Variants in GALK2 observed in about 807,000 individuals in gnomAD.
GALK2 encodes N-acetylgalactosamine kinase.
A neutral mutation model predicts 52.4 loss-of-function variants in GALK2; 36 were observed. That is an observed-to-expected ratio of 0.69 (90% CI 0.53 to 0.91). GALK2 has a LOEUF of 0.91. Among genes scored for constraint, GALK2 ranks in the 40% least tolerant of loss-of-function variants. The pLI is 0.00. For synonymous variants in GALK2, 176 were observed against 199.1 expected (o/e 0.88, Z 0.98); for missense variants, 579 against 559.1 (o/e 1.04, Z -0.36).
intron 2 of GALK2, among the ~76,000 whole-genome samples, chr15:49,214,432 G>A (rs1487940906): frequency 6.8e-6 from 1 of 147,628 alleles, no homozygotes; most frequent in Non-Finnish European, 1.5e-5. Flanking sequence ...CCGGGTTCAA[G>A]CGATTCTCCT....
chr15:49,186,339 A>G (rs553737059), intron 1 of GALK2, among the ~76,000 whole-genome samples: 2 of 151,874 alleles, frequency 1.3e-5, no homozygotes, highest in Admixed American at 6.5e-5. Flanking sequence ...GTGTATTTTC[A>G]AATACCCTGT....
intron 5 of GALK2, among the ~76,000 whole-genome samples, chr15:49,250,851 A>G (rs540811565): frequency 6.6e-6 from 1 of 151,772 alleles, no homozygotes; most frequent in Non-Finnish European, 1.5e-5. Flanking sequence ...AGTTATAATG[A>G]TATTTTTTTG....
intron 8 of GALK2, among the ~76,000 whole-genome samples, chr15:49,303,679 C>T (rs572466932): frequency 6.6e-6 from 1 of 152,304 alleles, no homozygotes. Flanking sequence ...TTGGCCTTGG[C>T]ATCACTGGCC....
At chr15:49,226,897 C>A (rs1379677887) in intron 3 of GALK2, among the ~76,000 whole-genome samples, 1 of 152,100 alleles carries the variant, frequency 6.6e-6, no homozygotes, top group African/African-American at 2.4e-5. Flanking sequence ...ATCACAAGTT[C>A]CTCTTTTTAT....
chr15:49,343,267 G>A (rs1264779828), intron 3 of GALK2, among the ~76,000 whole-genome samples: 2 of 151,960 alleles, frequency 1.3e-5, no homozygotes, highest in Non-Finnish European at 1.5e-5. Context: ...TATTTTGAAA[G>A]ACTGGTCTTC....
intron 8 of GALK2, among the ~76,000 whole-genome samples, chr15:49,310,165 A>C (rs2035875326): frequency 6.6e-6 from 1 of 152,156 alleles, no homozygotes; most frequent in Admixed American, 6.5e-5. Flanking sequence ...GATTTATCTC[A>C]CATAACATAA....
chr15:49,210,739 T>C (rs889130461), intron 2 of GALK2, among the ~76,000 whole-genome samples: 2 of 151,664 alleles, frequency 1.3e-5, no homozygotes, highest in Non-Finnish European at 2.9e-5. Context: ...CCGTGCCTGG[T>C]CTATTTTATT....
intron 8 of GALK2, among the ~76,000 whole-genome samples, chr15:49,298,384 A>G (rs1474255398): frequency 2.6e-5 from 4 of 151,886 alleles, no homozygotes; most frequent in African/African-American, 9.7e-5. Flanking sequence ...TTGACTTCCT[A>G]TTTTCCTACT....
chr15:49,170,058 C>T (rs572331304), upstream of GALK2: 921 of 606,650 alleles, frequency 1.5e-3, 16 homozygotes, highest in South Asian at 0.021. Context: ...TCCTGCGAGG[C>T]CCTAGTCCCT....
chr15:49,352,842 C>T (rs2042447550), intron 3 of GALK2, among the ~76,000 whole-genome samples: 1 of 152,164 alleles, frequency 6.6e-6, no homozygotes, highest in Admixed American at 6.5e-5. Context: ...AAATCACCTA[C>T]CTCAGTCCTT....
In GALK2 at chr15:49,361,807, T is replaced by C. The variant is rs184845065; in HGVS notation, c.427-5684T>C. ...GAATGGTAATTCTGCTTTCAGTTCT[T>C]TGAGAAATTGCCAAACTGCTTTCCA... On this transcript the variant is annotated intron_variant, in intron 3 of 3. Transcript: ENST00000558399. 3.2e-4 allele frequency among the ~76,000 whole-genome samples: 49 copies of C among 152,236 alleles called. No homozygotes were observed. In the East Asian group the frequency reaches 9.3e-3, roughly 29 times the overall value.
At position 49,350,924 on chromosome 15, in the gene GALK2, G is replaced by A. The variant is rs370573736; in HGVS notation, c.427-16567G>A. Among the ~76,000 whole-genome samples, 5 of 152,248 alleles carry A rather than the reference G, an allele frequency of 3.3e-5. No individual in the cohort carries two copies. The South Asian group carries it at 8.3e-4, about 25-fold the overall frequency. Reference sequence around the variant, plus strand: ...TCCACTGCATGGAACAGCTTTCCCCGTGTGCATCACATTCCCCCTTAAAAG... The same window carrying A: ...TCCACTGCATGGAACAGCTTTCCCCATGTGCATCACATTCCCCCTTAAAAG... On this transcript the variant is annotated intron_variant, in intron 3 of 3. Coordinates refer to the GALK2 transcript ENST00000558399.
At chr15:49,286,349 A>G (rs972983952) in intron 7 of GALK2, among the ~76,000 whole-genome samples, 12 of 152,138 alleles carry the variant, frequency 7.9e-5, no homozygotes, top group Non-Finnish European at 1.6e-4. Context: ...TTTATTTTGC[A>G]CAATTTCACA....
At chr15:49,230,345 T>C (rs910257527) in intron 3 of GALK2, among the ~76,000 whole-genome samples, 32 of 152,170 alleles carry the variant, frequency 2.1e-4, no homozygotes, top group African/African-American at 6.8e-4. Context: ...GAGTCCTTGA[T>C]AGTAATGTGG....
intron 1 of GALK2, among the ~76,000 whole-genome samples, chr15:49,182,948 T>C (rs2086082064): frequency 6.6e-6 from 1 of 152,174 alleles, no homozygotes; most frequent in South Asian, 2.1e-4. Context: ...CTTCACTGCA[T>C]TGATTTTTTT....
intron 5 of GALK2, among the ~76,000 whole-genome samples, chr15:49,265,950 C>A (rs1254914822): frequency 1.3e-5 from 2 of 152,140 alleles, no homozygotes; most frequent in Non-Finnish European, 2.9e-5. Flanking sequence ...TGTCAGTTAG[C>A]TTTTGCTGTG....
At chr15:49,355,133 A>G (rs2042918764) in intron 3 of GALK2, among the ~76,000 whole-genome samples, 1 of 151,544 alleles carries the variant, frequency 6.6e-6, no homozygotes, top group Non-Finnish European at 1.5e-5. Flanking sequence ...AACCACAAAG[A>G]TGGGGAAAAA....
intron 1 of GALK2, among the ~76,000 whole-genome samples, chr15:49,191,126 A>C (rs1486010419): frequency 6.6e-6 from 1 of 152,170 alleles, no homozygotes; most frequent in African/African-American, 2.4e-5. Context: ...GGGCTGAAAA[A>C]AGCAGAAAAA....
chr15:49,223,521 A>T (rs1033498177), intron 3 of GALK2, among the ~76,000 whole-genome samples: 5 of 152,076 alleles, frequency 3.3e-5, no homozygotes, highest in African/African-American at 1.2e-4. Flanking sequence ...TTCAGCCCAC[A>T]CTTCCTGCCT....
Sources: allele counts gnomAD v4.1 joint callset (sites outside exome capture counted in the v4.1 genomes callset), GRCh38; gene constraint gnomAD v4.1.1; transcripts MANE v1.5; gene names NCBI Gene and HGNC (gene_info 2026-07-23, HGNC 2026-07-21).